The following WWTR1 variants were observed in gnomAD, a reference collection of about 807,000 sequenced individuals.
The protein encoded by WWTR1 is WW domain containing transcription regulator 1.
WWTR1 carries 13 observed loss-of-function variants against 40.1 expected under a neutral mutation model. That is an observed-to-expected ratio of 0.32 (90% CI 0.21 to 0.52). WWTR1 has a LOEUF of 0.52. Ranked by LOEUF, WWTR1 falls within the 20% of genes least tolerant of loss-of-function variation. The pLI is 0.97. For synonymous variants in WWTR1, 230 were observed against 210.1 expected, an observed-to-expected ratio of 1.09 and a Z score of -0.82; for missense variants, 436 against 523.1, an observed-to-expected ratio of 0.83 and a Z score of 1.63.
chr3:149,662,241 C>T (rs1481432722), upstream of WWTR1, among the ~76,000 whole-genome samples: 1 of 152,072 alleles, frequency 6.6e-6, no homozygotes, highest in Non-Finnish European at 1.5e-5. Context: ...AGTGCATTCT[C>T]CAGACTGCAT....
chr3:149,541,068 C>T (rs1203218156), intron 4 of WWTR1: 4 of 455,938 alleles, frequency 8.8e-6, no homozygotes, highest in African/African-American at 8.0e-5. Context: ...GTTAAAACTA[C>T]TTATTTCTCT....
At chr3:149,533,511 CT>C (rs1315512527) in intron 4 of WWTR1, among the ~76,000 whole-genome samples, 1 of 152,210 alleles carries the variant, frequency 6.6e-6, no homozygotes, top group Non-Finnish European at 1.5e-5. Context: ...GAAGGGCTTT[CT>C]AGTTACTTAT....
In WWTR1 at chr3:149,672,154, C is replaced by A. The variant is rs56724503; in HGVS notation, c.-107-2263G>T. On this transcript the variant is annotated intron_variant, in intron 1 of 7. Coordinates refer to the WWTR1 transcript ENST00000465804. Reference sequence around the variant, plus strand: ...AACAAAAAACAAACAAACAAACAAACAAAAAAACAACCAGTAGAATGTGCA... The same window carrying A: ...AACAAAAAACAAACAAACAAACAAAAAAAAAAACAACCAGTAGAATGTGCA... 6.4e-3 allele frequency among the ~76,000 whole-genome samples: 969 copies of A among 152,088 alleles called. 10 individuals carry two copies. The highest frequency in any genetic ancestry group is 0.022 in the African/African-American group (925 of 41,468).
chr3:149,640,602 G>C (rs1197132744), intron 2 of WWTR1, among the ~76,000 whole-genome samples: 1 of 151,906 alleles, frequency 6.6e-6, no homozygotes, highest in Non-Finnish European at 1.5e-5. Flanking sequence ...TGTATTTTTA[G>C]TAGAGACAGG....
chr3:149,562,337 A>T (rs546448364), intron 3 of WWTR1, among the ~76,000 whole-genome samples: 1 of 152,014 alleles, frequency 6.6e-6, no homozygotes, highest in Non-Finnish European at 1.5e-5. Flanking sequence ...TGCTCATGGT[A>T]TATTAAAAAC....
At chr3:149,592,004 C>T (rs569192810) in intron 2 of WWTR1, among the ~76,000 whole-genome samples, 8 of 152,200 alleles carry the variant, frequency 5.3e-5, no homozygotes, top group South Asian at 2.1e-4. Flanking sequence ...TCTACTTCTC[C>T]GGTAACAAAT....
chr3:149,621,441 C>T lies in WWTR1; in HGVS notation c.431+35435G>A, dbSNP rs142552053. Among the ~76,000 whole-genome samples, 399 of 152,112 alleles carry T rather than the reference C, an allele frequency of 2.6e-3. 1 individual carries two copies. Among genetic ancestry groups the T allele is most frequent in the Non-Finnish European group, 4.1e-3 (281 of 68,008 alleles). On this transcript the variant is annotated intron_variant, in intron 2 of 6. Transcript: ENST00000360632. Reference sequence around the variant, plus strand: ...GCAAGTGCTGTAATAAATAAGGCCCCGAGAGCAAGAGACCGCTGCACCACA... The same window carrying T: ...GCAAGTGCTGTAATAAATAAGGCCCTGAGAGCAAGAGACCGCTGCACCACA...
At chr3:149,563,863 T>G (rs981304464) in intron 3 of WWTR1, among the ~76,000 whole-genome samples, 2 of 152,228 alleles carry the variant, frequency 1.3e-5, no homozygotes, top group Non-Finnish European at 2.9e-5. Context: ...GCGATTCTCC[T>G]TCCTGAGCCT....
At chr3:149,528,190 T>C (rs181337334) in intron 4 of WWTR1, among the ~76,000 whole-genome samples, 79 of 152,340 alleles carry the variant, frequency 5.2e-4, no homozygotes, top group African/African-American at 1.9e-3. Flanking sequence ...CAGCTATTAT[T>C]TGATCTAAGG....
intron 1 of WWTR1, among the ~76,000 whole-genome samples, chr3:149,671,639 T>C (rs1047434338): frequency 6.6e-6 from 1 of 152,212 alleles, no homozygotes; most frequent in Non-Finnish European, 1.5e-5. Context: ...AAATATCCAA[T>C]TGAATCTAAA....
intron 2 of WWTR1, among the ~76,000 whole-genome samples, chr3:149,598,417 C>T (rs1739100219): frequency 6.6e-6 from 1 of 152,194 alleles, no homozygotes; most frequent in Non-Finnish European, 1.5e-5. Flanking sequence ...GTTTAAAAGA[C>T]TTGCCTGAAG....
intron 1 of WWTR1, among the ~76,000 whole-genome samples, chr3:149,684,226 T>C (rs754237922): frequency 7.2e-5 from 11 of 152,092 alleles, no homozygotes; most frequent in Non-Finnish European, 1.6e-4. Flanking sequence ...CTCGCTATGT[T>C]GCCCAGGGTG....
At chr3:149,590,737 C>A (rs1366726474) in intron 2 of WWTR1, among the ~76,000 whole-genome samples, 2 of 152,152 alleles carry the variant, frequency 1.3e-5, no homozygotes. Flanking sequence ...AAATCTTGTT[C>A]TCATAATAAG....
chr3:149,716,903 A>G (rs929716097), intron 5 of WWTR1, among the ~76,000 whole-genome samples: 1 of 152,228 alleles, frequency 6.6e-6, no homozygotes, highest in Non-Finnish European at 1.5e-5. Flanking sequence ...TGGGCCAAGC[A>G]TAGCAGCTCA....
intron 3 of WWTR1, among the ~76,000 whole-genome samples, chr3:149,572,564 G>T (rs1387547798): frequency 2.0e-5 from 3 of 152,136 alleles, no homozygotes; most frequent in African/African-American, 4.8e-5. Context: ...GGGTAACACG[G>T]TATTGCAGCC....
intron 3 of WWTR1, among the ~76,000 whole-genome samples, chr3:149,572,345 A>C (rs967950261): frequency 4.6e-5 from 7 of 152,182 alleles, no homozygotes; most frequent in African/African-American, 1.7e-4. Context: ...CTAGAATTGT[A>C]CCTGTAGGCA....
intron 1 of WWTR1, among the ~76,000 whole-genome samples, chr3:149,698,938 C>T (rs1715081196): frequency 6.6e-6 from 1 of 152,134 alleles, no homozygotes; most frequent in Non-Finnish European, 1.5e-5. Flanking sequence ...AGCCTCTGAG[C>T]CTGTGATGGG....
intron 1 of WWTR1, among the ~76,000 whole-genome samples, chr3:149,690,272 C>T (rs578097060): frequency 1.3e-5 from 2 of 152,122 alleles, no homozygotes; most frequent in Middle Eastern, 3.4e-3. Context: ...CACTTACCAA[C>T]GATAACATTG....
intron 1 of WWTR1, among the ~76,000 whole-genome samples, chr3:149,686,256 C>G (rs183872048): frequency 1.7e-4 from 26 of 152,304 alleles, no homozygotes; most frequent in Admixed American, 3.3e-4. Flanking sequence ...CAGGCTAGAT[C>G]CATTCATGGT....
Sources: allele counts gnomAD v4.1 joint callset (sites outside exome capture counted in the v4.1 genomes callset), GRCh38; gene constraint gnomAD v4.1.1; transcripts MANE v1.5; gene names NCBI Gene and HGNC (gene_info 2026-07-23, HGNC 2026-07-21).